HDAC9: variants seen among roughly 807,000 people sequenced by gnomAD.
The protein encoded by HDAC9 is MEF-2 interacting transcription repressor (MITR) protein.
In HDAC9, 41 loss-of-function variants were observed where a neutral mutation model predicts 139.4. That is an observed-to-expected ratio of 0.29 (90% CI 0.23 to 0.38). The LOEUF is 0.38. Among genes scored for constraint, HDAC9 ranks in the 10% least tolerant of loss-of-function variants. The probability of loss-of-function intolerance (pLI) is 1.00; values close to 1 mark genes in which losing one functional copy is unlikely to be tolerated. For synonymous variants in HDAC9, 517 were observed against 476.2 expected (o/e 1.09, Z -1.12); for missense variants, 1,147 against 1,297.0 (o/e 0.88, Z 1.78).
intron 17 of HDAC9, among the ~76,000 whole-genome samples, chr7:18,814,296 T>C (rs1562959632): frequency 6.6e-6 from 1 of 152,198 alleles, no homozygotes; most frequent in Non-Finnish European, 1.5e-5. Context: ...TCTACTGCTA[T>C]ATTTTTACCT....
intron 3 of HDAC9, 116 bp from the exon 4 acceptor site, chr7:18,590,220 C>G (rs1830561517): frequency 9.3e-7 from 1 of 1,074,558 alleles, no homozygotes. Flanking sequence ...AAAGTGGGTA[C>G]AAATATGAAC....
At chr7:18,492,978 A>T (rs1276516724), upstream of HDAC9, among the ~76,000 whole-genome samples, 2 of 151,996 alleles carry the variant, frequency 1.3e-5, no homozygotes, top group Admixed American at 6.6e-5. Flanking sequence ...ATGGAAAAAC[A>T]TACTGCAAGA....
At chr7:18,870,932 G>A (rs1798870408) in intron 21 of HDAC9, among the ~76,000 whole-genome samples, 1 of 152,118 alleles carries the variant, frequency 6.6e-6, no homozygotes, top group Non-Finnish European at 1.5e-5. Context: ...CAAAGTGCTG[G>A]GATTGTAGCC....
rs59819356 is a variant in HDAC9 at position 18,507,170 on chromosome 7, A to ATATTATTATTATTATTAT, written c.22+10861_22+10878dup. Among the ~76,000 whole-genome samples, 1,170 of 144,302 alleles carry ATATTATTATTATTATTAT rather than the reference A, an allele frequency of 8.1e-3. 19 individuals are homozygous for ATATTATTATTATTATTAT. The highest frequency in any genetic ancestry group is 0.022 in the African/African-American group (872 of 38,966). The allele number at this position is 144,302 out of a possible 152,430, so 94.7% of individuals were successfully genotyped here. The stretch of plus-strand genomic sequence containing the variant: ...TGCAGGTCTTCCAAATATTCATTAC[A>ATATTATTATTATTATTAT]TATTATTATTATTATTATTATTATT... On this transcript the variant is annotated intron_variant, in intron 2 of 25. Transcript: ENST00000686413.
chr7:18,107,174 G>A (rs1049772095), intron 1 of HDAC9, among the ~76,000 whole-genome samples: 1 of 150,870 alleles, frequency 6.6e-6, no homozygotes, highest in African/African-American at 2.4e-5. Context: ...GCAAACCTAG[G>A]GTGTTTGCGC....
intron 22 of HDAC9, among the ~76,000 whole-genome samples, chr7:18,875,161 AAT>A (rs572671512): frequency 6.6e-6 from 1 of 152,134 alleles, no homozygotes; most frequent in African/African-American, 2.4e-5. Flanking sequence ...CACATGAAGA[AAT>A]AAATTTTATG....
chr7:18,779,982 C>T (rs3901892), intron 16 of HDAC9, among the ~76,000 whole-genome samples: 91,263 of 151,930 alleles, frequency 0.6, 30,345 homozygotes, highest in Non-Finnish European at 0.76. Context: ...TTAGGAACTC[C>T]GGAATCTGGA....
At chr7:18,510,472 TCTC>T (rs1275835322) in intron 2 of HDAC9, among the ~76,000 whole-genome samples, 3 of 151,936 alleles carry the variant, frequency 2.0e-5, no homozygotes, top group Non-Finnish European at 4.4e-5. Flanking sequence ...ATTTTTCCCT[TCTC>T]CTATGTTTTT....
chr7:18,227,913 T>C (rs1179575588), intron 2 of HDAC9, among the ~76,000 whole-genome samples: 1 of 152,224 alleles, frequency 6.6e-6, no homozygotes, highest in Non-Finnish European at 1.5e-5. Flanking sequence ...GCTGTGCTAA[T>C]ACACTTTTTA....
At chr7:18,399,099 A>T (rs946437838) in intron 1 of HDAC9, among the ~76,000 whole-genome samples, 1 of 152,202 alleles carries the variant, frequency 6.6e-6, no homozygotes, top group East Asian at 1.9e-4. Context: ...GTGTGGAAAG[A>T]AGCAAGCAAC....
At chr7:18,796,452 A>T (rs1209975666) in intron 17 of HDAC9, among the ~76,000 whole-genome samples, 4 of 152,240 alleles carry the variant, frequency 2.6e-5, no homozygotes, top group Admixed American at 2.6e-4. Flanking sequence ...GCTTAAATAG[A>T]ACATGTGCAG....
chr7:18,768,362 TC>T (rs1415333102), intron 16 of HDAC9, among the ~76,000 whole-genome samples: 1 of 151,994 alleles, frequency 6.6e-6, no homozygotes, highest in Non-Finnish European at 1.5e-5. Context: ...AGTCTCAGCT[TC>T]CCCCCACTCC....
At chr7:18,806,936 G>A (rs1196354267) in intron 17 of HDAC9, among the ~76,000 whole-genome samples, 1 of 152,124 alleles carries the variant, frequency 6.6e-6, no homozygotes, top group Non-Finnish European at 1.5e-5. Flanking sequence ...CAGTGTCCCG[G>A]CCTGGTTTGG....
At chr7:18,117,392 A>G (rs1784068604) in intron 1 of HDAC9, among the ~76,000 whole-genome samples, 2 of 152,014 alleles carry the variant, frequency 1.3e-5, no homozygotes, top group African/African-American at 2.4e-5. Flanking sequence ...AGGCTGAGGC[A>G]GGAGAATCGC....
intron 1 of HDAC9, among the ~76,000 whole-genome samples, chr7:18,139,301 A>G (rs1388721839): frequency 1.3e-5 from 2 of 151,002 alleles, no homozygotes; most frequent in Non-Finnish European, 3.0e-5. Flanking sequence ...AATTTTTGTT[A>G]TTTTTTGTAG....
intron 1 of HDAC9, among the ~76,000 whole-genome samples, chr7:18,161,764 G>C (rs1380364988): frequency 6.6e-6 from 1 of 151,944 alleles, no homozygotes; most frequent in East Asian, 1.9e-4. Context: ...TGGCCTTTTT[G>C]TTCTTTTTTT....
At chr7:18,830,320 G>A (rs1164693197) in intron 19 of HDAC9, among the ~76,000 whole-genome samples, 1 of 152,162 alleles carries the variant, frequency 6.6e-6, no homozygotes, top group Non-Finnish European at 1.5e-5. Flanking sequence ...AGTTCTCAAG[G>A]AGGTGTAATA....
At chr7:18,531,029 C>T (rs1050001401) in intron 2 of HDAC9, among the ~76,000 whole-genome samples, 4 of 151,982 alleles carry the variant, frequency 2.6e-5, no homozygotes. Context: ...AGTGCAACCT[C>T]TCTGTCTTTA....
intron 2 of HDAC9, among the ~76,000 whole-genome samples, chr7:18,172,278 G>A (rs1294123045): frequency 1.3e-5 from 2 of 152,100 alleles, no homozygotes; most frequent in South Asian, 4.1e-4. Flanking sequence ...TTGTATTTCC[G>A]TGGGATCGGT....
Sources: allele counts gnomAD v4.1 joint callset (sites outside exome capture counted in the v4.1 genomes callset), GRCh38; gene constraint gnomAD v4.1.1; transcripts MANE v1.5; gene names NCBI Gene and HGNC (gene_info 2026-07-23, HGNC 2026-07-21).